ZNF804A: variants seen among roughly 807,000 people sequenced by gnomAD.
The protein encoded by ZNF804A is zinc finger protein 804A.
ZNF804A carries 2 observed loss-of-function variants against 16.5 expected under a neutral mutation model. That is an observed-to-expected ratio of 0.12 (90% CI 0.05 to 0.38). ZNF804A has a LOEUF of 0.38. Among genes scored for constraint, ZNF804A ranks in the 10% least tolerant of loss-of-function variants. The pLI is 0.99. For synonymous variants in ZNF804A, 534 were observed against 489.6 expected (o/e 1.09, Z -1.20); for missense variants, 1,473 against 1,390.7 (o/e 1.06, Z -0.94).
intron 1 of ZNF804A, among the ~76,000 whole-genome samples, chr2:184,614,084 G>C (rs1198079394): frequency 6.6e-6 from 1 of 152,072 alleles, no homozygotes; most frequent in Non-Finnish European, 1.5e-5. Flanking sequence ...TACCAAAACA[G>C]ATATATAGAC....
At chr2:184,842,680 T>C (rs527967412) in intron 1 of ZNF804A, among the ~76,000 whole-genome samples, 11 of 152,220 alleles carry the variant, frequency 7.2e-5, no homozygotes, top group Admixed American at 2.0e-4. Flanking sequence ...AAATGACCTA[T>C]AGAAAAGCAT....
intron 1 of ZNF804A, among the ~76,000 whole-genome samples, chr2:184,672,538 A>T (rs946162408): frequency 2.6e-5 from 4 of 152,226 alleles, no homozygotes. Flanking sequence ...TTTGTGATGA[A>T]ATTATAAAAT....
chr2:184,639,820 G>A (rs189757350), intron 1 of ZNF804A, among the ~76,000 whole-genome samples: 1 of 152,096 alleles, frequency 6.6e-6, no homozygotes, highest in African/African-American at 2.4e-5. Flanking sequence ...GGTTAATATG[G>A]TGAAACCCCG....
At chr2:184,736,286 A>G (rs1693611001) in intron 1 of ZNF804A, among the ~76,000 whole-genome samples, 1 of 152,198 alleles carries the variant, frequency 6.6e-6, no homozygotes, top group South Asian at 2.1e-4. Flanking sequence ...CTTTCTTGAA[A>G]ATATTTTTGT....
intron 1 of ZNF804A, among the ~76,000 whole-genome samples, chr2:184,816,352 G>A (rs1294490096): frequency 1.3e-5 from 2 of 151,920 alleles, no homozygotes; most frequent in African/African-American, 2.4e-5. Flanking sequence ...CCTTTGGAGG[G>A]CATATTTGCA....
rs754659535 is a variant in ZNF804A at position 184,938,603 on chromosome 2, TC to T, written c.3209del (p.Pro1070LeufsTer26). The T allele has an allele frequency of 6.2e-7, 1 of 1,614,016 alleles. No homozygotes were observed. The highest frequency in any genetic ancestry group is 1.7e-5 in the Admixed American group (1 of 60,002). On this transcript the variant is annotated frameshift_variant, in exon 4 of 4. Coordinates refer to ENST00000302277, the MANE Select transcript of ZNF804A (RefSeq NM_194250.2). LOFTEE classifies it low-confidence loss of function (END_TRUNC). ...MLANKVKFTF[P>X]PAALPPPSTP... Reference sequence around the variant, plus strand: ...TGGCCAACAAGGTTAAATTTACCTTTCCTCCAGCTGCCCTCCCACCCCCTAG... The same window carrying T: ...TGGCCAACAAGGTTAAATTTACCTTTCTCCAGCTGCCCTCCCACCCCCTAG...
intron 2 of ZNF804A, among the ~76,000 whole-genome samples, chr2:184,908,642 C>T (rs1488918029): frequency 6.6e-6 from 1 of 152,036 alleles, no homozygotes; most frequent in Non-Finnish European, 1.5e-5. Context: ...TTCTAAAAAT[C>T]CAGCTCTTCA....
At chr2:184,742,144 C>A (rs982784703) in intron 1 of ZNF804A, among the ~76,000 whole-genome samples, 1 of 151,724 alleles carries the variant, frequency 6.6e-6, no homozygotes. Context: ...AAAAAAGTAA[C>A]CTTTCTTTTT....
chr2:184,924,319 G>A lies in ZNF804A; in HGVS notation c.256-9284G>A, dbSNP rs545747415. On this transcript the variant is annotated intron_variant, in intron 2 of 3. Transcript: ENST00000302277. ...AGCTTGTATATGTCTAGGAATTTGTGCATTTCTTCTGGATTTTTCAATATA... is the reference window on the plus strand; with the variant it reads ...AGCTTGTATATGTCTAGGAATTTGTACATTTCTTCTGGATTTTTCAATATA... Among the ~76,000 whole-genome samples, 19 of 151,652 alleles carry A rather than the reference G, an allele frequency of 1.3e-4. 2 individuals carry two copies. In the South Asian group the frequency reaches 3.9e-3, roughly 31 times the overall value.
chr2:184,727,822 C>G (rs1693438344), intron 1 of ZNF804A, among the ~76,000 whole-genome samples: 2 of 151,748 alleles, frequency 1.3e-5, no homozygotes, highest in East Asian at 3.9e-4. Flanking sequence ...TGAGTATCTA[C>G]AGTGTGGCAG....
chr2:184,647,257 C>T (rs1206156809), intron 1 of ZNF804A, among the ~76,000 whole-genome samples: 2 of 152,180 alleles, frequency 1.3e-5, no homozygotes, highest in Non-Finnish European at 2.9e-5. Flanking sequence ...CTTACCCTCA[C>T]TAAAATGATT....
chr2:184,843,253 A>G (rs1695463362), intron 1 of ZNF804A, among the ~76,000 whole-genome samples: 1 of 151,962 alleles, frequency 6.6e-6, no homozygotes, highest in African/African-American at 2.4e-5. Context: ...AAGTTAAATT[A>G]AATTACATTT....
intron 1 of ZNF804A, among the ~76,000 whole-genome samples, chr2:184,618,152 G>A (rs947445596): frequency 6.6e-6 from 1 of 152,044 alleles, no homozygotes; most frequent in Non-Finnish European, 1.5e-5. Context: ...ATTGAGATTA[G>A]AATTAGGAAA....
intron 1 of ZNF804A, among the ~76,000 whole-genome samples, chr2:184,808,715 A>T (rs192261646): frequency 6.6e-6 from 1 of 151,784 alleles, no homozygotes; most frequent in Non-Finnish European, 1.5e-5. Flanking sequence ...CTAAATATTT[A>T]GTAAAAATTG....
At chr2:184,766,620 G>T (rs1694132375) in intron 1 of ZNF804A, among the ~76,000 whole-genome samples, 1 of 147,092 alleles carries the variant, frequency 6.8e-6, no homozygotes. Flanking sequence ...ACTTAATATG[G>T]TGGTTGCTCA....
intron 1 of ZNF804A, among the ~76,000 whole-genome samples, chr2:184,763,334 A>G (rs1166986575): frequency 6.6e-6 from 1 of 152,176 alleles, no homozygotes; most frequent in African/African-American, 2.4e-5. Context: ...AAACATAAAT[A>G]GAAGAAAAAG....
intron 1 of ZNF804A, among the ~76,000 whole-genome samples, chr2:184,789,852 C>T (rs1013237936): frequency 2.6e-5 from 4 of 151,022 alleles, no homozygotes; most frequent in Admixed American, 2.6e-4. Context: ...TTTTTTATTT[C>T]TTTTCTTCTG....
chr2:184,924,035 A>C (rs1459907154), intron 2 of ZNF804A, among the ~76,000 whole-genome samples: 2 of 141,630 alleles, frequency 1.4e-5, no homozygotes, highest in East Asian at 4.2e-4. Context: ...GTGTGTGTGT[A>C]TGTTTTCAGT....
chr2:184,707,392 C>T (rs1019887454), intron 1 of ZNF804A, among the ~76,000 whole-genome samples: 4 of 152,090 alleles, frequency 2.6e-5, no homozygotes, highest in African/African-American at 9.7e-5. Context: ...ATGATCCTGT[C>T]ACCCAGAGAG....
Sources: allele counts gnomAD v4.1 joint callset (sites outside exome capture counted in the v4.1 genomes callset), GRCh38; gene constraint gnomAD v4.1.1; transcripts MANE v1.5; gene names NCBI Gene and HGNC (gene_info 2026-07-23, HGNC 2026-07-21).